The following ABCB10 variants were observed in gnomAD, a reference collection of about 807,000 sequenced individuals.
ABCB10 encodes ATP-binding cassette sub-family B member 10, mitochondrial.
ABCB10 carries 54 observed loss-of-function variants against 65.4 expected under a neutral mutation model. That is an observed-to-expected ratio of 0.83 (90% CI 0.66 to 1.04). ABCB10 has a LOEUF of 1.04. ABCB10 is among the 50% of genes least tolerant of loss of function. The pLI, the probability that ABCB10 is intolerant of heterozygous loss-of-function variation, is 0.00. For missense variants in ABCB10, 846 were observed against 976.6 expected, an observed-to-expected ratio of 0.87 and a Z score of 1.78; for synonymous variants, 418 against 406.5, an observed-to-expected ratio of 1.03 and a Z score of -0.34.
rs564679771 is a variant in ABCB10 at position 229,531,583 on chromosome 1, T to C, written c.1435+53A>G. 20 of 1,557,374 alleles carry C rather than the reference T, an allele frequency of 1.3e-5. No homozygotes were observed. The South Asian group carries it at 2.0e-4, about 16-fold the overall frequency. On this transcript the variant is annotated intron_variant, in intron 7 of 12. Transcript: ENST00000344517. ...GCAGACAGGGGAAGAGCTGGTCTCA[T>C]TGTTCAAAGCCACATTTGTTAATCC... is the stretch of plus-strand genomic sequence containing the variant.
At chr1:229,540,553 T>A in intron 5 of ABCB10, 53 bp downstream of exon 5, 2 of 1,540,078 alleles carry the variant, frequency 1.3e-6, no homozygotes, top group Non-Finnish European at 1.8e-6. Flanking sequence ...AGAATAAAAC[T>A]CTCACCATTC....
chr1:229,534,338 C>T (rs1195982540), intron 6 of ABCB10, among the ~76,000 whole-genome samples: 5 of 152,184 alleles, frequency 3.3e-5, no homozygotes, highest in Admixed American at 6.5e-5. Context: ...GCAAATGGGA[C>T]ACACATTTTG....
chr1:229,533,275 C>T (rs988922341), intron 6 of ABCB10, among the ~76,000 whole-genome samples: 2 of 152,102 alleles, frequency 1.3e-5, no homozygotes, highest in East Asian at 1.9e-4. Flanking sequence ...AGGTGCCCCC[C>T]ACCATGCCTG....
rs150786524 is a variant in ABCB10, at chr1:229,518,441, A to G, written c.1986-31T>C. Reference sequence around the variant, plus strand: ...ACAGGAGCACACACACAAGAAAGCAAAGACGTCAGTGACACCCATGTGCTT... The same window carrying G: ...ACAGGAGCACACACACAAGAAAGCAGAGACGTCAGTGACACCCATGTGCTT... On this transcript the variant is annotated intron_variant, in intron 12 of 12. Transcript: ENST00000344517. The G allele has an allele frequency of 5.0e-6, 8 of 1,587,244 alleles. No homozygotes were observed. In the African/African-American group the frequency reaches 9.4e-5, roughly 19 times the overall value.
chr1:229,548,227 C>T (rs1380051533), intron 2 of ABCB10, among the ~76,000 whole-genome samples: 1 of 152,110 alleles, frequency 6.6e-6, no homozygotes, highest in Non-Finnish European at 1.5e-5. Context: ...TGGTCTCAAA[C>T]TCATGGGCTC....
At chr1:229,532,114 G>A (rs908360778) in intron 6 of ABCB10, among the ~76,000 whole-genome samples, 6 of 151,942 alleles carry the variant, frequency 3.9e-5, no homozygotes, top group Non-Finnish European at 8.8e-5. Context: ...CACCAGGCCT[G>A]GCTAATTTTT....
chr1:229,531,625 T>C lies in ABCB10; in HGVS notation c.1435+11A>G. ...TGTTAATCCTAGCAAAGAAACAATT[T>C]TCAGACCCACCGTTAAAAGGCAGCT... On this transcript the variant is annotated intron_variant, in intron 7 of 12. Coordinates refer to ENST00000344517, the MANE Select transcript of ABCB10 (RefSeq NM_012089.3). 1 of 1,613,266 alleles carries C rather than the reference T, an allele frequency of 6.2e-7. No individual in the cohort carries two copies. Among genetic ancestry groups the C allele is most frequent in the Non-Finnish European group, 8.5e-7 (1 of 1,179,596 alleles).
Position 229,526,001 on chromosome 1 carries a change from G to C in ABCB10, c.1841C>G (p.Ala614Gly). ...CCCTTGGGGGAAATTCCGGATGAAG[G>C]CCACTGCATTGGCCACTTCAGCCAC... ...QRVAEVANAV[A>G]FIRNFPQGFN... The change falls in exon 10 of 13, where the codon GCC (alanine) becomes GGC (glycine). Residue 614 changes from alanine to glycine, a missense_variant. Physicochemically the swap from Ala to Gly is moderately conservative, Grantham distance 60. This residue lies in a region of ABCB10 where 632 missense variants were observed against 803.2 expected (regional missense o/e 0.79). Transcript: ENST00000344517. The C allele has an allele frequency of 6.2e-7, 1 of 1,614,196 alleles. No homozygotes were observed. The highest frequency in any genetic ancestry group is 8.5e-7 in the Non-Finnish European group (1 of 1,180,042).
At chr1:229,530,514 G>A (rs1662558304) in intron 7 of ABCB10, 106 bp from the exon 8 acceptor site, 4 of 1,167,186 alleles carry the variant, frequency 3.4e-6, no homozygotes, top group Non-Finnish European at 5.0e-6. Context: ...CTCCACCACA[G>A]CTAATCCTGG....
In ABCB10 at chr1:229,521,622, C is replaced by T; in HGVS notation, c.1920G>A (p.Gln640=). 8 of 1,613,090 alleles carry T rather than the reference C, an allele frequency of 5.0e-6. No individual in the cohort carries two copies. Among genetic ancestry groups the T allele is most frequent in the Non-Finnish European group, 6.8e-6 (8 of 1,179,524 alleles). The change falls in exon 11 of 13, where the codon CAG becomes CAA. Residue 640 remains glutamine, a synonymous_variant. Transcript: ENST00000344517. ...KGVLLSGGQK[Q]RIAIARALLK... ...GCAGAGCACGGGCAATCGCAATCCG[C>T]TGTTTCTGCCCACCTGACAAAGACA...
intron 2 of ABCB10, among the ~76,000 whole-genome samples, chr1:229,548,393 T>C (rs1029462645): frequency 7.2e-5 from 11 of 152,208 alleles, no homozygotes. Flanking sequence ...CCCTTTCCTG[T>C]ATTGAACCTT....
chr1:229,521,471 A>C, intron 11 of ABCB10, 121 bp downstream of exon 11: 1 of 1,223,174 alleles, frequency 8.2e-7, no homozygotes, highest in Non-Finnish European at 1.1e-6. Flanking sequence ...CTCCCACTCC[A>C]AGAAAAAAAA....
At position 229,530,211 on chromosome 1, in the gene ABCB10, C is replaced by T. The variant is rs35698797; in HGVS notation, c.1633G>A (p.Asp545Asn). The stretch of plus-strand genomic sequence containing the variant: ...GTGAACTGCTTACCAGAAGCAGGGT[C>T]GTACAACCTCAGCAGGAGTGAAAGC... ...TVLSLLLRLY[D>N]PASGTISLDG... Residue 545 changes from aspartate (D) to asparagine (N), a missense_variant, in exon 8 of 13, where the codon GAC (aspartate) becomes AAC (asparagine). Coordinates refer to ENST00000344517, the MANE Select transcript of ABCB10 (RefSeq NM_012089.3). The T allele has an allele frequency of 0.01, 16,793 of 1,613,810 alleles. 109 individuals carry two copies. The highest frequency in any genetic ancestry group is 0.013 in the Non-Finnish European group (14,919 of 1,179,886).
chr1:229,526,011 T>C lies in ABCB10; in HGVS notation c.1831A>G (p.Asn611Asp), dbSNP rs1250370508. Residue 611 changes from asparagine to aspartate, a missense_variant, in exon 10 of 13, where the codon AAT becomes GAT. By Grantham distance (23) the Asn-to-Asp change is conservative. Coordinates refer to ENST00000344517, the MANE Select transcript of ABCB10 (RefSeq NM_012089.3). Reference protein sequence around the residue: ...EEIQRVAEVANAVAFIRNFPQ... With the variant: ...EEIQRVAEVADAVAFIRNFPQ... ...AAATTCCGGATGAAGGCCACTGCAT[T>C]GGCCACTTCAGCCACTCTCTGGATT... 2.5e-6 allele frequency: 4 copies of C among 1,614,234 alleles called. No homozygotes were observed. The Middle Eastern group carries it at 4.9e-4, about 200-fold the overall frequency.
chr1:229,526,435 C>G (rs151055072), intron 9 of ABCB10, among the ~76,000 whole-genome samples: 3 of 152,350 alleles, frequency 2.0e-5, no homozygotes, highest in Non-Finnish European at 4.4e-5. Context: ...CCATCCATTA[C>G]TTTTTGAAAT....
intron 3 of ABCB10, 41 bp from the exon 4 acceptor site, chr1:229,542,412 T>A (rs564154205): frequency 6.3e-7 from 1 of 1,597,038 alleles, no homozygotes; most frequent in African/African-American, 1.4e-5. Context: ...TTTGTTACAT[T>A]GGGTGGCAAG....
chr1:229,523,506 A>C (rs1662364007), intron 10 of ABCB10, among the ~76,000 whole-genome samples: 2 of 152,194 alleles, frequency 1.3e-5, no homozygotes, highest in Non-Finnish European at 2.9e-5. Context: ...ACAGGAAACC[A>C]GTGCACACAA....
intron 1 of ABCB10, among the ~76,000 whole-genome samples, chr1:229,555,445 C>T (rs1663225154): frequency 6.6e-6 from 1 of 152,246 alleles, no homozygotes; most frequent in Non-Finnish European, 1.5e-5. Context: ...CGGCTTAGGC[C>T]TTCCTTTAGA....
intron 6 of ABCB10, among the ~76,000 whole-genome samples, chr1:229,533,141 A>G (rs1662624695): frequency 6.6e-6 from 1 of 151,736 alleles, no homozygotes; most frequent in Non-Finnish European, 1.5e-5. Context: ...GCTTTGAACC[A>G]TTATTATTAT....
Sources: gnomAD v4.1 joint callset for allele counts (sites outside exome capture counted in the v4.1 genomes callset) on GRCh38, gnomAD v4.1.1 for gene constraint, gnomAD v4.1.1 regional missense constraint, MANE v1.5 for transcripts, NCBI Gene and HGNC (gene_info 2026-07-23, HGNC 2026-07-21) for gene names.